C12orf43: variants seen among roughly 807,000 people sequenced by gnomAD.
C12orf43 encodes protein CUSTOS.
A neutral mutation model predicts 20.6 loss-of-function variants in C12orf43; 15 were observed. That is an observed-to-expected ratio of 0.73 (90% CI 0.49 to 1.12). The LOEUF is 1.12. Ranked by LOEUF, C12orf43 falls within the 50% of genes most tolerant of loss-of-function variation. The pLI is 0.00. For synonymous variants in C12orf43, 144 were observed against 130.8 expected (o/e 1.10, Z -0.69); for missense variants, 334 against 344.4 (o/e 0.97, Z 0.24).
rs1295744388 is a variant in C12orf43, at chr12:121,010,900, T to C, written c.215A>G (p.Asp72Gly). The stretch of plus-strand genomic sequence containing the variant: ...AGGGGTGGTCTGAAGCTCGTTGCCA[T>C]CTTGTTCATGCTCATTCACCTTATG... ...LRHKVNEHEQDGNELQTTPEF... is the reference protein window; with the variant it reads ...LRHKVNEHEQGGNELQTTPEF... The change falls in exon 3 of 6, where the codon GAT (aspartate) becomes GGT (glycine). Residue 72 changes from aspartate (D) to glycine (G), a missense_variant. By Grantham distance (94) the Asp-to-Gly change is moderately conservative. Coordinates refer to ENST00000288757, the MANE Select transcript of C12orf43 (RefSeq NM_022895.3). 3 of 1,614,126 alleles carry C rather than the reference T, an allele frequency of 1.9e-6. No individual in the cohort carries two copies. The South Asian group carries it at 3.3e-5, about 18-fold the overall frequency.
At chr12:121,006,256 G>C in intron 4 of C12orf43, 65 bp downstream of exon 4, 1 of 1,305,052 alleles carries the variant, frequency 7.7e-7, no homozygotes, top group Non-Finnish European at 1.1e-6. Context: ...AAACTGTTTC[G>C]CCCACCTCCA....
chr12:121,010,981 G>T (rs1417613131), intron 2 of C12orf43, 55 bp from the exon 3 acceptor site: 4 of 1,602,024 alleles, frequency 2.5e-6, no homozygotes. Context: ...CTGTCCCCAT[G>T]AGCACAGGGA....
chr12:121,007,597 T>C lies in C12orf43; in HGVS notation c.288-1203A>G, dbSNP rs190586968. Among the ~76,000 whole-genome samples the C allele has an allele frequency of 5.6e-3, 847 of 152,316 alleles. 4 individuals carry two copies. Among genetic ancestry groups the C allele is most frequent in the Non-Finnish European group, 9.7e-3 (659 of 68,026 alleles). On this transcript the variant is annotated intron_variant, in intron 3 of 5. Transcript: ENST00000288757. ...ATGATGACGATGCAGATGATGACTG[T>C]CATCAAGAAAAGCTTCAGCCTTCAC... is the stretch of plus-strand genomic sequence containing the variant.
chr12:121,007,212 G>C (rs1039188306), intron 3 of C12orf43: 3 of 152,030 alleles, frequency 2.0e-5, no homozygotes, highest in Admixed American at 2.0e-4. Flanking sequence ...GATAATTGTA[G>C]ACATGCAGTA....
chr12:121,016,451 C>T lies in C12orf43; in HGVS notation c.24G>A (p.Val8=). MAAPSGT[V]SDSESSNSSS... is the part of the protein sequence containing the mutation. Reference sequence around the variant, plus strand: ...TGCTGTTACTACTTTCCGAATCGCTCACTGTGCCACTGGGCGCCGCCATCT... The same window carrying T: ...TGCTGTTACTACTTTCCGAATCGCTTACTGTGCCACTGGGCGCCGCCATCT... Residue 8 remains valine (V), a synonymous_variant, in exon 1 of 6, where the codon GTG becomes GTA. Coordinates refer to ENST00000288757, the MANE Select transcript of C12orf43 (RefSeq NM_022895.3). The T allele has an allele frequency of 6.2e-7, 1 of 1,614,124 alleles. No individual in the cohort carries two copies. The highest frequency in any genetic ancestry group is 1.7e-5 in the Admixed American group (1 of 60,034).
At chr12:121,016,107 G>A (rs1868881863) in intron 1 of C12orf43, among the ~76,000 whole-genome samples, 2 of 152,174 alleles carry the variant, frequency 1.3e-5, no homozygotes, top group African/African-American at 4.8e-5. Context: ...CAAGGAGGCA[G>A]AATCAAAAGA....
rs774868435 is a variant in C12orf43 at position 121,001,188 on chromosome 12, A to G, written c.*2965T>C. ...TCCACCCAGATGGCCTCTTCCTCCC[A>G]GTAACCACGGCACCTGGGCCCTGGG... On this transcript the variant is annotated 3_prime_UTR_variant, in exon 6 of 6. Transcript: ENST00000288757. 4 of 1,613,898 alleles carry G rather than the reference A, an allele frequency of 2.5e-6. No individual in the cohort carries two copies. Among genetic ancestry groups the G allele is most frequent in the Middle Eastern group, 1.6e-4 (1 of 6,084 alleles).
rs1877553393 is a variant in C12orf43 at position 121,002,320 on chromosome 12, G to C, written c.*1833C>G. 2.2e-6 allele frequency: 1 copy of C among 449,800 alleles called. No homozygotes were observed. The highest frequency in any genetic ancestry group is 4.2e-6 in the Non-Finnish European group (1 of 236,758). The allele number at this position is 449,800 out of a possible 1,614,324, so 27.9% of individuals were successfully genotyped here. On this transcript the variant is annotated 3_prime_UTR_variant, in exon 6 of 6. Coordinates refer to ENST00000288757, the MANE Select transcript of C12orf43 (RefSeq NM_022895.3). The stretch of plus-strand genomic sequence containing the variant: ...ACTGCCAGGAGGGACAAAGGAGCCT[G>C]TGAACCCAGGACAAGCATGGTCCCA...
intron 1 of C12orf43, 39 bp downstream of exon 1, chr12:121,016,291 C>A (rs2135892875): frequency 1.2e-6 from 2 of 1,612,032 alleles, no homozygotes; most frequent in Non-Finnish European, 1.7e-6. Context: ...GGGAAGATCC[C>A]ACGCCCCTCA....
Position 121,002,414 on chromosome 12 carries a change from G to A in C12orf43, c.*1739C>T, listed in dbSNP as rs574055898. 4.1e-5 allele frequency: 22 copies of A among 531,662 alleles called. No homozygotes were observed. Among genetic ancestry groups the A allele is most frequent in the African/African-American group, 3.0e-4 (16 of 53,768 alleles). The allele number at this position is 531,662 out of a possible 1,614,324, so 32.9% of individuals were successfully genotyped here. A position where few individuals can be genotyped will look rare whatever the true frequency, so the allele number is the denominator to read the frequency against. On this transcript the variant is annotated 3_prime_UTR_variant, in exon 6 of 6. Transcript: ENST00000288757. ...CGTCTACCCTGGGATTCAGGAAAAG[G>A]CCTGGGGTGACCCGGCACCCCCTGC...
At position 121,001,478 on chromosome 12, in the gene C12orf43, T is replaced by G. The variant is rs1877479710; in HGVS notation, c.*2675A>C. The G allele has an allele frequency of 2.1e-6, 1 of 487,016 alleles. No individual in the cohort carries two copies. Among genetic ancestry groups the G allele is most frequent in the East Asian group, 3.6e-5 (1 of 27,864 alleles). 30.2% of individuals were successfully genotyped at this position (487,016 alleles called of 1,614,324 possible). A position where few individuals can be genotyped will look rare whatever the true frequency, so the allele number is the denominator to read the frequency against. ...TGTCGCTGCTTCGTGGGATACAGTCTTCTTACTTGGAACTGAAGGGGGCGG... is the reference window on the plus strand; with the variant it reads ...TGTCGCTGCTTCGTGGGATACAGTCGTCTTACTTGGAACTGAAGGGGGCGG... On this transcript the variant is annotated 3_prime_UTR_variant, in exon 6 of 6. Transcript: ENST00000288757.
intron 1 of C12orf43, among the ~76,000 whole-genome samples, chr12:121,011,434 AACTTAGT>A (rs1235426238): frequency 6.8e-6 from 1 of 148,144 alleles, no homozygotes; most frequent in East Asian, 1.9e-4. Context: ...ATATATATAT[AACTTAGT>A]TATATATATA....
intron 2 of C12orf43, 67 bp from the exon 3 acceptor site, chr12:121,010,993 C>T (rs915121825): frequency 6.3e-7 from 1 of 1,595,198 alleles, no homozygotes; most frequent in African/African-American, 1.3e-5. Flanking sequence ...GCACAGGGAC[C>T]ATGTGTGTCT....
chr12:121,016,045 G>A (rs1868874960), intron 1 of C12orf43, among the ~76,000 whole-genome samples: 1 of 152,212 alleles, frequency 6.6e-6, no homozygotes, highest in African/African-American at 2.4e-5. Context: ...GGCTGTTGCA[G>A]TTATCTCGAA....
rs1270006932 is a variant in C12orf43 at position 121,003,296 on chromosome 12, G to T, written c.*857C>A. 1 of 152,082 alleles carries T rather than the reference G, an allele frequency of 6.6e-6. No homozygotes were observed. Among genetic ancestry groups the T allele is most frequent in the Non-Finnish European group, 1.5e-5 (1 of 68,054 alleles). The allele number at this position is 152,082 out of a possible 1,614,324, so 9.4% of individuals were successfully genotyped here. On this transcript the variant is annotated 3_prime_UTR_variant, in exon 6 of 6. Coordinates refer to ENST00000288757, the MANE Select transcript of C12orf43 (RefSeq NM_022895.3). ...CCTCCTTGGCCTCTCAAAATGCTTG[G>T]ATTACAGGCATGAGCCACTGCACCC...
At position 121,002,756 on chromosome 12, in the gene C12orf43, G is replaced by A; in HGVS notation, c.*1397C>T. The A allele has an allele frequency of 3.4e-6, 1 of 297,140 alleles. No homozygotes were observed. The highest frequency in any genetic ancestry group is 6.6e-6 in the Non-Finnish European group (1 of 151,112). 18.4% of individuals were successfully genotyped at this position (297,140 alleles called of 1,614,324 possible). Reference sequence around the variant, plus strand: ...GTCTCACTGTCACCCAGGCTGGACTGCAGTGGCATTATACAGCTCACTGCA... The same window carrying A: ...GTCTCACTGTCACCCAGGCTGGACTACAGTGGCATTATACAGCTCACTGCA... On this transcript the variant is annotated 3_prime_UTR_variant, in exon 6 of 6. Coordinates refer to ENST00000288757, the MANE Select transcript of C12orf43 (RefSeq NM_022895.3).
At chr12:121,015,191 C>T (rs1020527957) in intron 1 of C12orf43, among the ~76,000 whole-genome samples, 1 of 152,082 alleles carries the variant, frequency 6.6e-6, no homozygotes, top group Non-Finnish European at 1.5e-5. Flanking sequence ...CAAGTTCCCA[C>T]CGCTAATGAG....
At position 121,003,975 on chromosome 12, in the gene C12orf43, T is replaced by C. The variant is rs1054695518; in HGVS notation, c.*178A>G. The C allele has an allele frequency of 2.9e-6, 2 of 689,610 alleles. No individual in the cohort carries two copies. The highest frequency in any genetic ancestry group is 3.6e-5 in the African/African-American group (2 of 56,312). The allele number at this position is 689,610 out of a possible 1,614,324, so 42.7% of individuals were successfully genotyped here. A position where few individuals can be genotyped will look rare whatever the true frequency, so the allele number is the denominator to read the frequency against. On this transcript the variant is annotated 3_prime_UTR_variant, in exon 6 of 6. Coordinates refer to ENST00000288757, the MANE Select transcript of C12orf43 (RefSeq NM_022895.3). ...TTGGTCTTCTCACCCTACAGCCACTTTTTTGGCCCAACTCTCGAGCAAGCC... is the reference window on the plus strand; with the variant it reads ...TTGGTCTTCTCACCCTACAGCCACTCTTTTGGCCCAACTCTCGAGCAAGCC...
Position 121,011,648 on chromosome 12 carries a change from C to T in C12orf43, c.146-502G>A, listed in dbSNP as rs1462260921. Among the ~76,000 whole-genome samples, 4 of 152,164 alleles carry T rather than the reference C, an allele frequency of 2.6e-5. No individual in the cohort carries two copies. In the East Asian group the frequency reaches 7.7e-4, roughly 29 times the overall value. On this transcript the variant is annotated intron_variant, in intron 1 of 5. Transcript: ENST00000288757. ...AAATAACTTGGCCAGAGTCAAATAC[C>T]TAATAAGTGACAGGGTTGGGCTGGG...
Sources: allele counts gnomAD v4.1 joint callset (sites outside exome capture counted in the v4.1 genomes callset), GRCh38; gene constraint gnomAD v4.1.1; transcripts MANE v1.5; gene names NCBI Gene and HGNC (gene_info 2026-07-23, HGNC 2026-07-21).